The following BMP2K variants were observed in gnomAD, a reference collection of about 807,000 sequenced individuals.
BMP2K encodes BMP-2-inducible protein kinase.
In BMP2K, 74 loss-of-function variants were observed where a neutral mutation model predicts 116.0. The ratio of observed to expected loss-of-function variants is 0.64; its 90% confidence interval spans 0.53 to 0.77. The LOEUF is 0.77. Among genes scored for constraint, BMP2K ranks in the 30% least tolerant of loss-of-function variants. BMP2K has a pLI of 0.00. For synonymous variants in BMP2K, 486 were observed against 502.5 expected (o/e 0.97, Z 0.44); for missense variants, 1,365 against 1,403.6 (o/e 0.97, Z 0.44).
At chr4:78,780,434 A>C (rs879740581) in intron 1 of BMP2K, among the ~76,000 whole-genome samples, 2 of 152,178 alleles carry the variant, frequency 1.3e-5, no homozygotes, top group Non-Finnish European at 2.9e-5. Flanking sequence ...CTTAGAGTTA[A>C]ATGCTTAGAT....
At chr4:78,869,565 G>A (rs188581891) in intron 10 of BMP2K, among the ~76,000 whole-genome samples, 7 of 152,212 alleles carry the variant, frequency 4.6e-5, no homozygotes, top group East Asian at 1.9e-4. Flanking sequence ...TGCAGTGACC[G>A]TTTTGCTAAT....
chr4:78,781,983 T>G (rs1251884453), intron 1 of BMP2K, among the ~76,000 whole-genome samples: 1 of 152,186 alleles, frequency 6.6e-6, no homozygotes, highest in Non-Finnish European at 1.5e-5. Context: ...TGCTGCAAAG[T>G]CATCTTACTT....
rs1037690608 is a variant in BMP2K at position 78,776,470 on chromosome 4, G to T, written c.-74G>T. ...GGGCCAGGGGCGGCGACCCCTCGCG[G>T]ACGCCCGGCTGCGCGCCGGGCCGGG... On this transcript the variant is annotated 5_prime_UTR_variant, in exon 1 of 16. Transcript: ENST00000502613. 4.5e-6 allele frequency: 5 copies of T among 1,103,206 alleles called. No individual in the cohort carries two copies. The African/African-American group carries it at 8.4e-5, about 18-fold the overall frequency. The allele number at this position is 1,103,206 out of a possible 1,614,324, so 68.3% of individuals were successfully genotyped here. A position where few individuals can be genotyped will look rare whatever the true frequency, so the allele number is the denominator to read the frequency against.
At chr4:78,864,884 A>T (rs988323444) in intron 9 of BMP2K, among the ~76,000 whole-genome samples, 1 of 152,172 alleles carries the variant, frequency 6.6e-6, no homozygotes, top group African/African-American at 2.4e-5. Flanking sequence ...TTTTTAAAAA[A>T]AGCAAATGTT....
intron 7 of BMP2K, among the ~76,000 whole-genome samples, chr4:78,858,466 C>G (rs1731611097): frequency 6.6e-6 from 1 of 151,784 alleles, no homozygotes; most frequent in South Asian, 2.1e-4. Flanking sequence ...TATATAAAAT[C>G]AAGTTACATG....
chr4:78,793,541 G>A (rs1422079219), intron 1 of BMP2K, among the ~76,000 whole-genome samples: 2 of 152,050 alleles, frequency 1.3e-5, no homozygotes, highest in Non-Finnish European at 2.9e-5. Context: ...GTAAGCAGAA[G>A]CACTCGGTGG....
At chr4:78,843,211 T>G (rs919999760) in intron 4 of BMP2K, among the ~76,000 whole-genome samples, 2 of 151,994 alleles carry the variant, frequency 1.3e-5, no homozygotes, top group African/African-American at 4.8e-5. Context: ...AATTGCTTTA[T>G]GCCTAGATAT....
At chr4:78,779,312 A>G (rs1287242556) in intron 1 of BMP2K, among the ~76,000 whole-genome samples, 3 of 152,202 alleles carry the variant, frequency 2.0e-5, no homozygotes, top group African/African-American at 7.2e-5. Context: ...ATCATGGCCA[A>G]CAGCTCTGTA....
chr4:78,834,420 C>T (rs1560521090), intron 3 of BMP2K, among the ~76,000 whole-genome samples: 2 of 152,020 alleles, frequency 1.3e-5, no homozygotes, highest in Non-Finnish European at 2.9e-5. Flanking sequence ...CGCCACGACG[C>T]TCGGCTAATT....
At chr4:78,799,415 T>C (rs1186158263) in intron 1 of BMP2K, among the ~76,000 whole-genome samples, 3 of 152,206 alleles carry the variant, frequency 2.0e-5, no homozygotes, top group African/African-American at 7.2e-5. Context: ...CAATTTGAAA[T>C]TGGCATACAG....
intron 1 of BMP2K, among the ~76,000 whole-genome samples, chr4:78,820,255 A>G (rs184504371): frequency 1.3e-5 from 2 of 152,228 alleles, no homozygotes; most frequent in African/African-American, 4.8e-5. Flanking sequence ...ATCTATTGCT[A>G]TGTGCGATGA....
At chr4:78,796,443 G>A (rs1204985578) in intron 1 of BMP2K, among the ~76,000 whole-genome samples, 6 of 151,014 alleles carry the variant, frequency 4.0e-5, no homozygotes, top group South Asian at 2.1e-4. Flanking sequence ...GCTAGATGAC[G>A]AGTTAGTGGG....
chr4:78,841,561 A>T (rs999587737), intron 3 of BMP2K, among the ~76,000 whole-genome samples: 1 of 151,954 alleles, frequency 6.6e-6, no homozygotes, highest in African/African-American at 2.4e-5. Context: ...GATTCCCCTA[A>T]CCCTAGATGA....
intron 5 of BMP2K, among the ~76,000 whole-genome samples, chr4:78,846,180 A>G (rs1560526528): frequency 6.6e-6 from 1 of 151,658 alleles, no homozygotes; most frequent in Non-Finnish European, 1.5e-5. Flanking sequence ...AGCGATGAAC[A>G]AAAGTTCATG....
At chr4:78,827,931 G>A (rs1029535689) in intron 2 of BMP2K, among the ~76,000 whole-genome samples, 1 of 152,212 alleles carries the variant, frequency 6.6e-6, no homozygotes, top group African/African-American at 2.4e-5. Context: ...TCAATTAAGA[G>A]CTGTTCATAG....
chr4:78,885,681 T>A (rs1268627769), intron 14 of BMP2K, among the ~76,000 whole-genome samples: 1 of 152,176 alleles, frequency 6.6e-6, no homozygotes, highest in East Asian at 1.9e-4. Context: ...TAAACATGAT[T>A]TGGATTTTTT....
chr4:78,857,112 A>G (rs1305525096), intron 7 of BMP2K, among the ~76,000 whole-genome samples: 3 of 152,294 alleles, frequency 2.0e-5, no homozygotes, highest in Admixed American at 6.5e-5. Flanking sequence ...CTCCACACAC[A>G]GAATACACAC....
chr4:78,879,398 A>G, intron 14 of BMP2K: 1 of 985,984 alleles, frequency 1.0e-6, no homozygotes, highest in African/African-American at 1.7e-5. Context: ...TGTTGTCCTG[A>G]TATGGCAAAA....
Position 78,842,450 on chromosome 4 carries a change from C to G in BMP2K, c.469C>G (p.Gln157Glu), listed in dbSNP as rs534287834. The G allele has an allele frequency of 6.2e-7, 1 of 1,608,646 alleles. No individual in the cohort carries two copies. The highest frequency in any genetic ancestry group is 8.5e-7 in the Non-Finnish European group (1 of 1,176,150). Residue 157 changes from glutamine (Q) to glutamate (E), a missense_variant, in exon 4 of 16, where the codon CAG becomes GAG. Physicochemically the swap from Gln to Glu is conservative, Grantham distance 29. Transcript: ENST00000502613. ...QTGFTEPEVL[Q>E]IFCDTCEAVA... ...GGGTTTTACAGAACCAGAAGTGTTA[C>G]AGATATTCTGTGATACCTGTGAAGC... is the stretch of plus-strand genomic sequence containing the variant.
Sources: allele counts gnomAD v4.1 joint callset (sites outside exome capture counted in the v4.1 genomes callset), GRCh38; gene constraint gnomAD v4.1.1; transcripts MANE v1.5; gene names NCBI Gene and HGNC (gene_info 2026-07-23, HGNC 2026-07-21).